GNB4: variants seen among roughly 807,000 people sequenced by gnomAD.
GNB4 encodes guanine nucleotide-binding protein subunit beta-4.
Under a neutral mutation model 45.2 loss-of-function variants are expected in GNB4, and 28 were observed. The observed-to-expected ratio is 0.62, with a 90% CI of 0.46 to 0.85. The LOEUF (loss-of-function observed/expected upper bound fraction) is 0.85. GNB4 is among the 40% of genes least tolerant of loss of function. The pLI, the probability that GNB4 is intolerant of heterozygous loss-of-function variation, is 0.00. For synonymous variants in GNB4, 132 were observed against 143.7 expected (o/e 0.92, Z 0.58); for missense variants, 321 against 425.4 (o/e 0.75, Z 2.16).
At chr3:179,446,194 C>T (rs1322736102) in intron 1 of GNB4, among the ~76,000 whole-genome samples, 1 of 152,196 alleles carries the variant, frequency 6.6e-6, no homozygotes, top group African/African-American at 2.4e-5. Flanking sequence ...CTGTACCATC[C>T]ACACGACCTT....
the GNB4 span, among the ~76,000 whole-genome samples, chr3:179,509,209 G>A: frequency 1.3e-4 from 19 of 146,010 alleles, no homozygotes; most frequent in East Asian, 3.8e-3. Flanking sequence ...ACACATATAC[G>A]GCACCTTGCC....
the GNB4 span, among the ~76,000 whole-genome samples, chr3:179,499,248 C>T: frequency 3.3e-5 from 5 of 151,062 alleles, no homozygotes; most frequent in Non-Finnish European, 7.4e-5. Flanking sequence ...AGCTCCGCCT[C>T]CCAGGTTCAC....
chr3:179,505,624 A>T, the GNB4 span, among the ~76,000 whole-genome samples: 1 of 152,208 alleles, frequency 6.6e-6, no homozygotes, highest in African/African-American at 2.4e-5. Context: ...GTGTCTCTCC[A>T]TGTGAAAGAA....
chr3:179,452,008 T>C (rs1252574933), upstream of GNB4, among the ~76,000 whole-genome samples: 1 of 152,172 alleles, frequency 6.6e-6, no homozygotes, highest in Non-Finnish European at 1.5e-5. Context: ...AGTTTCGTCA[T>C]CGCCAAAATA....
the GNB4 span, among the ~76,000 whole-genome samples, chr3:179,487,765 G>C: frequency 2.0e-5 from 3 of 152,110 alleles, no homozygotes; most frequent in Admixed American, 2.0e-4. Context: ...AACACTTGCA[G>C]CTTGGCCAGG....
chr3:179,406,437 C>A (rs1010065116), intron 8 of GNB4, among the ~76,000 whole-genome samples: 1 of 152,134 alleles, frequency 6.6e-6, no homozygotes, highest in Non-Finnish European at 1.5e-5. Context: ...GTATTTCTCC[C>A]TTAACACTTG....
At chr3:179,414,104 G>A (rs928472837) in intron 6 of GNB4, among the ~76,000 whole-genome samples, 2 of 152,136 alleles carry the variant, frequency 1.3e-5, no homozygotes, top group African/African-American at 4.8e-5. Context: ...ACTGTGTTAA[G>A]CACCCTGGAG....
chr3:179,447,541 A>G (rs2108623295), intron 1 of GNB4, among the ~76,000 whole-genome samples: 1 of 152,084 alleles, frequency 6.6e-6, no homozygotes, highest in East Asian at 1.9e-4. Context: ...TCTAACAATA[A>G]TGGGTTCTGA....
At chr3:179,466,633 A>G in the GNB4 span, among the ~76,000 whole-genome samples, 1 of 152,244 alleles carries the variant, frequency 6.6e-6, no homozygotes, top group Admixed American at 6.5e-5. Context: ...ATTATTAAAC[A>G]TGGAGCAAGA....
chr3:179,491,458 CT>C, the GNB4 span, among the ~76,000 whole-genome samples: 1 of 152,034 alleles, frequency 6.6e-6, no homozygotes, highest in Non-Finnish European at 1.5e-5. Context: ...GTAGAGAAGG[CT>C]TAGGGTAGAT....
intron 1 of GNB4, among the ~76,000 whole-genome samples, chr3:179,436,532 T>C (rs1189865726): frequency 6.6e-6 from 1 of 152,240 alleles, no homozygotes; most frequent in East Asian, 1.9e-4. Context: ...CAAATTTATA[T>C]TTCTTACACT....
the GNB4 span, among the ~76,000 whole-genome samples, chr3:179,524,276 CG>C: frequency 1.3e-5 from 2 of 152,192 alleles, no homozygotes; most frequent in Non-Finnish European, 2.9e-5. Context: ...GAGTGGCTGC[CG>C]GGTGAGTTGG....
At chr3:179,453,849 GA>G (rs879792473), upstream of GNB4, among the ~76,000 whole-genome samples, 323 of 134,834 alleles carry the variant, frequency 2.4e-3, no homozygotes, top group Middle Eastern at 3.7e-3. Flanking sequence ...TATTGTTCTG[GA>G]AAAAAAAAAA....
chr3:179,416,967 A>G (rs1004446544), intron 4 of GNB4, among the ~76,000 whole-genome samples: 1 of 152,212 alleles, frequency 6.6e-6, no homozygotes, highest in African/African-American at 2.4e-5. Flanking sequence ...TGACAATACT[A>G]GAGGTACAAC....
At chr3:179,484,760 T>C in the GNB4 span, among the ~76,000 whole-genome samples, 1 of 152,104 alleles carries the variant, frequency 6.6e-6, no homozygotes, top group South Asian at 2.1e-4. Flanking sequence ...CGACATTAGT[T>C]ATAGTACTGC....
chr3:179,429,288 G>A (rs1269985420), intron 1 of GNB4, among the ~76,000 whole-genome samples: 1 of 152,216 alleles, frequency 6.6e-6, no homozygotes, highest in Non-Finnish European at 1.5e-5. Flanking sequence ...TCCAGTGCAC[G>A]TGCAGCATCC....
At chr3:179,446,598 G>A (rs189810158) in intron 1 of GNB4, among the ~76,000 whole-genome samples, 102 of 152,060 alleles carry the variant, frequency 6.7e-4, no homozygotes, top group Admixed American at 4.8e-3. Flanking sequence ...TTTTTTTTAA[G>A]TTAATTATCC....
chr3:179,509,622 C>A, the GNB4 span, among the ~76,000 whole-genome samples: 1 of 151,440 alleles, frequency 6.6e-6, no homozygotes, highest in Middle Eastern at 3.2e-3. Context: ...AGACCCTTGG[C>A]CTCCATTCAC....
At chr3:179,476,890 A>G in the GNB4 span, among the ~76,000 whole-genome samples, 1 of 152,038 alleles carries the variant, frequency 6.6e-6, no homozygotes, top group African/African-American at 2.4e-5. Flanking sequence ...TTCTCTTTTA[A>G]TTATAAATCT....
Sources: allele counts gnomAD v4.1 joint callset (sites outside exome capture counted in the v4.1 genomes callset), GRCh38; gene constraint gnomAD v4.1.1; transcripts MANE v1.5; gene names NCBI Gene and HGNC (gene_info 2026-07-23, HGNC 2026-07-21).